Variants in PTPRT observed in about 807,000 individuals in gnomAD.
PTPRT encodes protein tyrosine phosphatase receptor type T.
In PTPRT, 56 loss-of-function variants were observed where a neutral mutation model predicts 176.8. The ratio of observed to expected loss-of-function variants is 0.32; its 90% CI spans 0.26 to 0.40. The LOEUF (loss-of-function observed/expected upper bound fraction) is 0.40. PTPRT is among the 10% of genes least tolerant of loss of function. The pLI is 1.00. For missense variants in PTPRT, 1,540 were observed against 1,908.2 expected, an observed-to-expected ratio of 0.81 and a Z score of 3.60; for synonymous variants, 783 against 739.0, an observed-to-expected ratio of 1.06 and a Z score of -0.96.
rs551356897 is a variant in PTPRT at position 42,550,243 on chromosome 20, T to C, written c.1154-77681A>G. Among the ~76,000 whole-genome samples, 3 of 152,114 alleles carry C rather than the reference T, an allele frequency of 2.0e-5. 1 individual carries two copies. The highest frequency in any genetic ancestry group is 7.2e-5 in the African/African-American group (3 of 41,490). ...TAGGAAGGACAGTGAGAGCCTGCCA[T>C]TAAAGACTAGAAGTATCTCCAGACC... On this transcript the variant is annotated intron_variant, in intron 7 of 30. Coordinates refer to ENST00000373187, the MANE Select transcript of PTPRT (RefSeq NM_007050.6).
chr20:42,518,609 A>G (rs2072112745), intron 7 of PTPRT, among the ~76,000 whole-genome samples: 1 of 152,026 alleles, frequency 6.6e-6, no homozygotes, highest in Non-Finnish European at 1.5e-5. Context: ...TAGACTAACT[A>G]TAATTCCCCT....
rs549534283 is a variant in PTPRT, at chr20:42,350,878, A to G, written c.1763-148T>C. ...TGGATAAGAAGCCTTCCAGGCCTTC[A>G]GTAAAGGAGGCCCCGATGCCCAACC... On this transcript the variant is annotated intron_variant, in intron 10 of 30. Transcript: ENST00000373187. 8 of 621,132 alleles carry G rather than the reference A, an allele frequency of 1.3e-5. No individual in the cohort carries two copies. In the African/African-American group the frequency reaches 1.4e-4, roughly 11 times the overall value. 38.5% of individuals were successfully genotyped at this position (621,132 alleles called of 1,614,324 possible).
intron 7 of PTPRT, among the ~76,000 whole-genome samples, chr20:42,496,028 T>C (rs2071647586): frequency 6.6e-6 from 1 of 152,200 alleles, no homozygotes; most frequent in African/African-American, 2.4e-5. Flanking sequence ...TACATTGTAT[T>C]CTTACAATAA....
intron 3 of PTPRT, among the ~76,000 whole-genome samples, chr20:42,787,574 A>G (rs1192671829): frequency 1.3e-5 from 2 of 152,198 alleles, no homozygotes; most frequent in African/African-American, 4.8e-5. Flanking sequence ...CGGGGAACAC[A>G]TGTTCCACAG....
At chr20:42,112,357 C>T (rs1448125671) in intron 22 of PTPRT, among the ~76,000 whole-genome samples, 1 of 152,168 alleles carries the variant, frequency 6.6e-6, no homozygotes, top group East Asian at 1.9e-4. Flanking sequence ...CAGGAACCCC[C>T]CTCCCCTGGG....
intron 16 of PTPRT, among the ~76,000 whole-genome samples, chr20:42,172,311 C>G (rs1017013964): frequency 9.2e-5 from 14 of 152,070 alleles, no homozygotes; most frequent in Admixed American, 3.9e-4. Flanking sequence ...TTGAAAACAC[C>G]AACAAATTAG....
At chr20:42,293,053 T>C (rs1241549403) in intron 12 of PTPRT, among the ~76,000 whole-genome samples, 1 of 152,192 alleles carries the variant, frequency 6.6e-6, no homozygotes, top group Admixed American at 6.5e-5. Context: ...AAATGTTCAC[T>C]ATCAACTTTA....
intron 1 of PTPRT, among the ~76,000 whole-genome samples, chr20:42,998,291 T>C (rs1984341339): frequency 2.0e-5 from 3 of 152,156 alleles, no homozygotes; most frequent in African/African-American, 7.2e-5. Context: ...CCATAAAGTT[T>C]TTTGCCCCTG....
At chr20:42,986,426 C>T (rs1046304904) in intron 1 of PTPRT, among the ~76,000 whole-genome samples, 6 of 152,172 alleles carry the variant, frequency 3.9e-5, no homozygotes, top group African/African-American at 1.4e-4. Flanking sequence ...ATTCTGGCAT[C>T]TTCCTCCACC....
chr20:43,014,521 T>G (rs2146160604), intron 1 of PTPRT, among the ~76,000 whole-genome samples: 1 of 152,280 alleles, frequency 6.6e-6, no homozygotes, highest in Middle Eastern at 3.4e-3. Flanking sequence ...ACCACAGCCA[T>G]ATATCCACAT....
intron 18 of PTPRT, among the ~76,000 whole-genome samples, chr20:42,134,080 G>A (rs931761629): frequency 6.6e-6 from 1 of 152,200 alleles, no homozygotes; most frequent in Admixed American, 6.5e-5. Context: ...GGCACTGCAA[G>A]GAGTGGCAGT....
intron 7 of PTPRT, among the ~76,000 whole-genome samples, chr20:42,567,037 C>G (rs538198026): frequency 6.6e-6 from 1 of 152,072 alleles, no homozygotes; most frequent in Non-Finnish European, 1.5e-5. Context: ...TTTGGGAGGC[C>G]GAGGCAGGTG....
chr20:43,170,165 G>A (rs561895067), intron 1 of PTPRT, among the ~76,000 whole-genome samples: 8 of 148,650 alleles, frequency 5.4e-5, no homozygotes, highest in East Asian at 2.0e-4. Flanking sequence ...ATATATACTC[G>A]ATATATATAC....
intron 17 of PTPRT, among the ~76,000 whole-genome samples, chr20:42,143,606 G>A (rs1038719025): frequency 2.6e-5 from 4 of 151,966 alleles, no homozygotes; most frequent in African/African-American, 9.7e-5. Flanking sequence ...ACACATGATG[G>A]TACCTTGGAC....
chr20:42,734,188 C>T (rs2076503672), intron 6 of PTPRT, among the ~76,000 whole-genome samples: 2 of 152,310 alleles, frequency 1.3e-5, no homozygotes, highest in East Asian at 3.9e-4. Context: ...GTCATCACTA[C>T]AGCTGAGCCA....
At chr20:42,221,670 C>T (rs1253108465) in intron 15 of PTPRT, among the ~76,000 whole-genome samples, 4 of 152,014 alleles carry the variant, frequency 2.6e-5, no homozygotes, top group East Asian at 1.9e-4. Flanking sequence ...CAGGTGCATG[C>T]CACCATGCCT....
chr20:42,809,451 C>A (rs576237498), intron 2 of PTPRT, among the ~76,000 whole-genome samples: 1 of 152,132 alleles, frequency 6.6e-6, no homozygotes, highest in African/African-American at 2.4e-5. Flanking sequence ...AAGACAGAAA[C>A]CCTGGCTTGG....
intron 6 of PTPRT, among the ~76,000 whole-genome samples, chr20:42,753,495 C>T (rs778311395): frequency 3.3e-5 from 5 of 152,182 alleles, no homozygotes; most frequent in Non-Finnish European, 5.9e-5. Context: ...AATAAAATTA[C>T]ACCTTGATTG....
At chr20:42,388,199 C>A (rs1292910600) in intron 9 of PTPRT, among the ~76,000 whole-genome samples, 1 of 152,176 alleles carries the variant, frequency 6.6e-6, no homozygotes, top group Non-Finnish European at 1.5e-5. Context: ...CAATACCATT[C>A]AGGACATAGG....
Sources: allele counts gnomAD v4.1 joint callset (sites outside exome capture counted in the v4.1 genomes callset), GRCh38; gene constraint gnomAD v4.1.1; transcripts MANE v1.5; gene names NCBI Gene and HGNC (gene_info 2026-07-23, HGNC 2026-07-21).